SLC28A2: variants seen among roughly 807,000 people sequenced by gnomAD.
The protein encoded by SLC28A2 is sodium/nucleoside cotransporter 2.
A neutral mutation model predicts 72.9 loss-of-function variants in SLC28A2; 69 were observed. The observed-to-expected ratio is 0.95, with a 90% CI of 0.78 to 1.16. The LOEUF (loss-of-function observed/expected upper bound fraction) is 1.16, where lower values mean the gene tolerates loss of function less well. Among genes scored for constraint, SLC28A2 ranks in the 50% most tolerant of loss-of-function variants. SLC28A2 has a pLI of 0.00. For missense variants in SLC28A2, 745 were observed against 791.1 expected (o/e 0.94, Z 0.70); for synonymous variants, 296 against 294.1 (o/e 1.01, Z -0.07).
chr15:45,267,539 A>C lies in SLC28A2; in HGVS notation c.1027A>C (p.Thr343Pro). ...TGCGGTGATGACTGGAGGGTTTGCC[A>C]CCATTTCTGGCACTGTGCTGGGAGC... ...IHAVMTGGFATISGTVLGAFI... is the reference protein window; with the variant it reads ...IHAVMTGGFAPISGTVLGAFI... Residue 343 changes from threonine to proline, a missense_variant, in exon 11 of 18, where the codon ACC (threonine) becomes CCC (proline). Coordinates refer to ENST00000347644, the MANE Select transcript of SLC28A2 (RefSeq NM_004212.4). 6.2e-7 allele frequency: 1 copy of C among 1,614,104 alleles called. No individual in the cohort carries two copies. Among genetic ancestry groups the C allele is most frequent in the Non-Finnish European group, 8.5e-7 (1 of 1,180,004 alleles).
chr15:45,256,734 G>A (rs1435247775), intron 3 of SLC28A2, among the ~76,000 whole-genome samples: 1 of 152,056 alleles, frequency 6.6e-6, no homozygotes, highest in Admixed American at 6.6e-5. Context: ...ACTAAAGTAA[G>A]TTCTGGATTT....
At chr15:45,263,780 G>T in intron 5 of SLC28A2, 101 bp from the exon 6 acceptor site, 2 of 1,209,686 alleles carry the variant, frequency 1.7e-6, no homozygotes, top group Non-Finnish European at 2.3e-6. Flanking sequence ...CATGGCCTTT[G>T]ATCACAGGCC....
chr15:45,253,124 G>A, intron 1 of SLC28A2, 76 bp from the exon 2 acceptor site: 4 of 877,456 alleles, frequency 4.6e-6, no homozygotes, highest in South Asian at 3.0e-5. Context: ...ATGGGTAACT[G>A]GTCCTAAAAA....
At chr15:45,271,177 T>C (rs1198002168) in intron 15 of SLC28A2, among the ~76,000 whole-genome samples, 2 of 151,996 alleles carry the variant, frequency 1.3e-5, no homozygotes, top group Admixed American at 6.6e-5. Context: ...ATGGGGGTGA[T>C]TGTTGGAGGA....
rs755915522 is a variant in SLC28A2 at position 45,253,205 on chromosome 15, G to A, written c.-11G>A. The A allele has an allele frequency of 2.5e-6, 4 of 1,606,496 alleles. No individual in the cohort carries two copies. The East Asian group carries it at 6.7e-5, about 27-fold the overall frequency. ...GCCCTGAATTTGTTTTTCAGTTGAG[G>A]AGAACAGGAGATGGAGAAAGCAAGT... On this transcript the variant is annotated 5_prime_UTR_variant, in exon 2 of 18. Coordinates refer to ENST00000347644, the MANE Select transcript of SLC28A2 (RefSeq NM_004212.4).
rs145903380 is a variant in SLC28A2 at position 45,265,999 on chromosome 15, A to G, written c.862-82A>G. The G allele has an allele frequency of 4.8e-5, 49 of 1,010,678 alleles. 1 individual carries two copies. The East Asian group carries it at 1.2e-3, about 25-fold the overall frequency. The allele number at this position is 1,010,678 out of a possible 1,614,324, so 62.6% of individuals were successfully genotyped here. A position where few individuals can be genotyped will look rare whatever the true frequency, so the allele number is the denominator to read the frequency against. The stretch of plus-strand genomic sequence containing the variant: ...TCTAGGCCTCAGTTTCCTTATCAGT[A>G]AAGTGGAGGAGGAGGAGTTTTGCGA... On this transcript the variant is annotated intron_variant, in intron 9 of 17. Transcript: ENST00000347644.
chr15:45,262,091 G>T lies in SLC28A2; in HGVS notation c.247G>T (p.Gly83Cys). The change falls in exon 4 of 18, where the codon GGC becomes TGC. Residue 83 changes from glycine to cysteine, a missense_variant. Coordinates refer to ENST00000347644, the MANE Select transcript of SLC28A2 (RefSeq NM_004212.4). ...HASLFKKILL[G>C]LLCLAYAAYL... ...CAGCTTGTTCAAGAAGATCCTGTTG[G>T]GCCTGTTGTGTTTGGGTGAGATATT... The T allele has an allele frequency of 6.2e-7, 1 of 1,610,842 alleles. No homozygotes were observed. Among genetic ancestry groups the T allele is most frequent in the Non-Finnish European group, 8.5e-7 (1 of 1,177,168 alleles).
intron 4 of SLC28A2, among the ~76,000 whole-genome samples, 157 bp downstream of exon 4, chr15:45,262,263 G>A (rs1168732610): frequency 6.6e-6 from 1 of 152,186 alleles, no homozygotes; most frequent in Admixed American, 6.5e-5. Flanking sequence ...GCACCATAAT[G>A]TATTGAATTG....
chr15:45,273,740 T>TA (rs1176429088), intron 17 of SLC28A2, among the ~76,000 whole-genome samples: 1 of 152,106 alleles, frequency 6.6e-6, no homozygotes, highest in Non-Finnish European at 1.5e-5. Context: ...AGGTTGGAGA[T>TA]ACACTAGATC....
intron 1 of SLC28A2, among the ~76,000 whole-genome samples, chr15:45,252,991 A>G (rs534617085): frequency 2.4e-4 from 37 of 152,190 alleles, no homozygotes; most frequent in Non-Finnish European, 4.9e-4. Context: ...AGCTATTCAC[A>G]AGAGGAAATA....
At position 45,264,652 on chromosome 15, in the gene SLC28A2, T is replaced by C. The variant is rs560792163; in HGVS notation, c.589-3T>C. ...ATTGAAATAATATTCTTATTGATCC[T>C]AGGTGTCCTGGAGGACAGTGTTTTC... On this transcript the variant is annotated splice_polypyrimidine_tract_variant and splice_region_variant and intron_variant, in intron 6 of 17. Coordinates refer to ENST00000347644, the MANE Select transcript of SLC28A2 (RefSeq NM_004212.4). 1.3e-4 allele frequency: 200 copies of C among 1,572,730 alleles called. No individual in the cohort carries two copies. In the South Asian group the frequency reaches 2.0e-3, roughly 16 times the overall value.
chr15:45,271,208 T>C (rs1330160371), intron 15 of SLC28A2, among the ~76,000 whole-genome samples: 2 of 152,182 alleles, frequency 1.3e-5, no homozygotes, highest in Non-Finnish European at 2.9e-5. Context: ...GAAAGTGGAA[T>C]TGTCCTTGAG....
rs1022406219 is a variant in SLC28A2 at position 45,252,296 on chromosome 15, G to C, written c.-17+18G>C. On this transcript the variant is annotated intron_variant, in intron 1 of 17. Transcript: ENST00000347644. ...AAGCTGGGGTAAGTAAAGGTGTTTG[G>C]GGGAGGGCAGGTGCCTAATTTACAA... 10 of 455,872 alleles carry C rather than the reference G, an allele frequency of 2.2e-5. No individual in the cohort carries two copies. Among genetic ancestry groups the C allele is most frequent in the African/African-American group, 1.2e-4 (6 of 50,062 alleles). The allele number at this position is 455,872 out of a possible 1,614,324, so 28.2% of individuals were successfully genotyped here. A position where few individuals can be genotyped will look rare whatever the true frequency, so the allele number is the denominator to read the frequency against.
chr15:45,275,331 T>C (rs12440356), intron 17 of SLC28A2, 65 bp from the exon 18 acceptor site: 363,110 of 923,184 alleles, frequency 0.39, 81,368 homozygotes, highest in East Asian at 0.93. Flanking sequence ...GTATAACTTA[T>C]TGATATGTTT....
chr15:45,257,205 A>G (rs1302300319), intron 3 of SLC28A2, among the ~76,000 whole-genome samples: 1 of 152,150 alleles, frequency 6.6e-6, no homozygotes, highest in African/African-American at 2.4e-5. Context: ...CTCAAGAGCA[A>G]TCATGTCCAT....
At chr15:45,258,523 C>T (rs535323328) in intron 3 of SLC28A2, among the ~76,000 whole-genome samples, 10 of 152,266 alleles carry the variant, frequency 6.6e-5, no homozygotes, top group Middle Eastern at 3.4e-3. Context: ...ATTATCCTGA[C>T]TTTTAGCATC....
At position 45,264,873 on chromosome 15, in the gene SLC28A2, G is replaced by A. The variant is rs1437058811; in HGVS notation, c.702+105G>A. On this transcript the variant is annotated intron_variant, in intron 7 of 17. Coordinates refer to ENST00000347644, the MANE Select transcript of SLC28A2 (RefSeq NM_004212.4). The stretch of plus-strand genomic sequence containing the variant: ...GGCTGTATCTTGTTAATGATGTGGT[G>A]GAAGATCTGGTTGGGAAAGGAGAGA... 6.3e-6 allele frequency: 5 copies of A among 788,198 alleles called. No individual in the cohort carries two copies. The African/African-American group carries it at 8.6e-5, about 14-fold the overall frequency. 48.8% of individuals were successfully genotyped at this position (788,198 alleles called of 1,614,324 possible). A position where few individuals can be genotyped will look rare whatever the true frequency, so the allele number is the denominator to read the frequency against.
At chr15:45,262,208 G>A in intron 4 of SLC28A2, 102 bp downstream of exon 4, 1 of 757,736 alleles carries the variant, frequency 1.3e-6, no homozygotes, top group Non-Finnish European at 2.3e-6. Flanking sequence ...ATTCAAAACT[G>A]ATCTAAAAAG....
intron 5 of SLC28A2, 60 bp downstream of exon 5, chr15:45,263,304 T>C: frequency 6.5e-7 from 1 of 1,537,072 alleles, no homozygotes; most frequent in Non-Finnish European, 8.8e-7. Context: ...TCCTTTTTTC[T>C]CTTTTGATAG....
Sources: allele counts gnomAD v4.1 joint callset (sites outside exome capture counted in the v4.1 genomes callset), GRCh38; gene constraint gnomAD v4.1.1; transcripts MANE v1.5; gene names NCBI Gene and HGNC (gene_info 2026-07-23, HGNC 2026-07-21).